VPS37A: variants seen among roughly 807,000 people sequenced by gnomAD.
VPS37A encodes the protein VPS37A subunit of ESCRT-I.
VPS37A carries 30 observed loss-of-function variants against 49.8 expected under a neutral mutation model. That is an observed-to-expected ratio of 0.60 (90% CI 0.45 to 0.82). The LOEUF (loss-of-function observed/expected upper bound fraction) is 0.82, where lower values mean the gene tolerates loss of function less well. Ranked by LOEUF, VPS37A falls within the 40% of genes least tolerant of loss-of-function variation. The pLI, the probability that VPS37A is intolerant of heterozygous loss-of-function variation, is 0.00. For synonymous variants in VPS37A, 195 were observed against 160.6 expected, an observed-to-expected ratio of 1.21 and a Z score of -1.62; for missense variants, 593 against 464.4, an observed-to-expected ratio of 1.28 and a Z score of -2.55.
chr8:17,317,543 C>T, the VPS37A span, among the ~76,000 whole-genome samples: 1 of 152,148 alleles, frequency 6.6e-6, no homozygotes, highest in Non-Finnish European at 1.5e-5. Context: ...AGAGTCCCTG[C>T]GGTCAACGTT....
chr8:17,272,846 T>A lies in VPS37A; in HGVS notation c.417-1887T>A, dbSNP rs545682632. Among the ~76,000 whole-genome samples, 12 of 92,310 alleles carry A rather than the reference T, an allele frequency of 1.3e-4. 1 individual carries two copies. In the South Asian group the frequency reaches 4.4e-3, roughly 34 times the overall value. The allele number at this position is 92,310 out of a possible 152,430, so 60.6% of individuals were successfully genotyped here. On this transcript the variant is annotated intron_variant, in intron 4 of 11. Coordinates refer to ENST00000324849, the MANE Select transcript of VPS37A (RefSeq NM_152415.3). ...AGTATAAAGGAGTATAGAGTGAAAA[T>A]CTCCGTGTCACTTTTTTCCCTTGCA...
rs528999970 is a variant in VPS37A, at chr8:17,268,179, G to C, written c.201-79G>C. On this transcript the variant is annotated intron_variant, in intron 2 of 11. Coordinates refer to ENST00000324849, the MANE Select transcript of VPS37A (RefSeq NM_152415.3). ...TGAAAATTTAATTTACTTTTAAATA[G>C]CTTTGTTTTAAGATTTTGACCATAT... The C allele has an allele frequency of 1.7e-4, 165 of 961,824 alleles. No individual in the cohort carries two copies. In the African/African-American group the frequency reaches 2.4e-3, roughly 14 times the overall value. 59.6% of individuals were successfully genotyped at this position (961,824 alleles called of 1,614,324 possible). A position where few individuals can be genotyped will look rare whatever the true frequency, so the allele number is the denominator to read the frequency against.
the VPS37A span, among the ~76,000 whole-genome samples, chr8:17,314,812 G>A: frequency 6.6e-6 from 1 of 152,138 alleles, no homozygotes; most frequent in Non-Finnish European, 1.5e-5. Flanking sequence ...ATATGCAGTC[G>A]GTGAAGGGAC....
At chr8:17,275,483 C>A (rs1341194914) in intron 5 of VPS37A, among the ~76,000 whole-genome samples, 1 of 152,150 alleles carries the variant, frequency 6.6e-6, no homozygotes, top group African/African-American at 2.4e-5. Context: ...TTTTGTGAAG[C>A]TGCCTATAGT....
chr8:17,275,293 C>G (rs1293943434), intron 5 of VPS37A, among the ~76,000 whole-genome samples: 2 of 152,068 alleles, frequency 1.3e-5, no homozygotes. Flanking sequence ...CTCAAATATA[C>G]TGATGAATAT....
chr8:17,313,418 G>C, the VPS37A span: 1 of 1,527,162 alleles, frequency 6.5e-7, no homozygotes, highest in South Asian at 1.2e-5. Flanking sequence ...GATAAATCAT[G>C]TTATAAAAGC....
Position 17,248,610 on chromosome 8 carries a change from T to TA in VPS37A, c.125+1247dup, listed in dbSNP as rs542569451. Among the ~76,000 whole-genome samples, 621 of 152,306 alleles carry TA rather than the reference T, an allele frequency of 4.1e-3. 2 individuals are homozygous for TA. Among genetic ancestry groups the TA allele is most frequent in the African/African-American group, 0.014 (581 of 41,570 alleles). ...TTTAAAAATATTATTTTCATACAGT[T>TA]AAAAAATATGTATCCTCAGATAATA... On this transcript the variant is annotated intron_variant, in intron 1 of 11. Coordinates refer to ENST00000324849, the MANE Select transcript of VPS37A (RefSeq NM_152415.3).
chr8:17,317,258 G>T, the VPS37A span, among the ~76,000 whole-genome samples: 1 of 152,170 alleles, frequency 6.6e-6, no homozygotes, highest in Non-Finnish European at 1.5e-5. Flanking sequence ...GCCGTGTGCC[G>T]TGTGCATGGG....
intron 3 of VPS37A, 138 bp downstream of exon 3, chr8:17,268,510 T>A: frequency 1.6e-6 from 1 of 641,710 alleles, no homozygotes; most frequent in Non-Finnish European, 2.6e-6. Flanking sequence ...TATTTAAGAC[T>A]ACGCCTTAAA....
chr8:17,276,426 G>C lies in VPS37A; in HGVS notation c.672G>C (p.Met224Ile), dbSNP rs1814517525. ...GCCAAAATGGTTTTGGGTACAAGAT[G>C]CCAGATGTCCCTGATGCATTTCCAG... ...PTSQNGFGYKMPDVPDAFPEL... is the reference protein window; with the variant it reads ...PTSQNGFGYKIPDVPDAFPEL... Residue 224 changes from methionine (M) to isoleucine (I), a missense_variant, in exon 6 of 12, where the codon ATG becomes ATC. Coordinates refer to ENST00000324849, the MANE Select transcript of VPS37A (RefSeq NM_152415.3). 3.7e-6 allele frequency: 6 copies of C among 1,612,468 alleles called. No homozygotes were observed. The highest frequency in any genetic ancestry group is 5.1e-6 in the Non-Finnish European group (6 of 1,179,290).
chr8:17,256,222 C>T (rs892294094), intron 1 of VPS37A, among the ~76,000 whole-genome samples: 1 of 150,564 alleles, frequency 6.6e-6, no homozygotes, highest in African/African-American at 2.4e-5. Flanking sequence ...TCCCCTGTCT[C>T]CAAATCCTTG....
At chr8:17,325,577 C>A in the VPS37A span, among the ~76,000 whole-genome samples, 2 of 152,190 alleles carry the variant, frequency 1.3e-5, no homozygotes, top group Non-Finnish European at 1.5e-5. Flanking sequence ...CGCCCACATG[C>A]CTGAGCTGAC....
chr8:17,309,312 C>A, the VPS37A span: 9 of 1,565,936 alleles, frequency 5.7e-6, no homozygotes, highest in South Asian at 1.1e-5. Flanking sequence ...AAATCCAGTC[C>A]TTTTCAATTA....
chr8:17,261,294 T>C (rs962413066), intron 1 of VPS37A, among the ~76,000 whole-genome samples: 1 of 152,226 alleles, frequency 6.6e-6, no homozygotes, highest in Non-Finnish European at 1.5e-5. Context: ...AACATATTTC[T>C]CAGTTCCAAC....
At chr8:17,259,621 C>A (rs541172913) in intron 1 of VPS37A, among the ~76,000 whole-genome samples, 1 of 152,020 alleles carries the variant, frequency 6.6e-6, no homozygotes, top group East Asian at 1.9e-4. Flanking sequence ...TTTGGTGTTT[C>A]TTTATTGATT....
At chr8:17,306,342 C>G (rs1313006082), downstream of VPS37A, among the ~76,000 whole-genome samples, 1 of 151,820 alleles carries the variant, frequency 6.6e-6, no homozygotes, top group Non-Finnish European at 1.5e-5. Context: ...TAAGGCTCTT[C>G]ATTTTTTGCG....
chr8:17,331,810 A>G, the VPS37A span, among the ~76,000 whole-genome samples: 1 of 152,222 alleles, frequency 6.6e-6, no homozygotes, highest in Non-Finnish European at 1.5e-5. Context: ...AGCAGGAATT[A>G]CTGAATAAAA....
intron 1 of VPS37A, among the ~76,000 whole-genome samples, chr8:17,262,990 G>T (rs1413226340): frequency 6.6e-6 from 1 of 151,182 alleles, no homozygotes; most frequent in East Asian, 1.9e-4. Context: ...GAACCCGGGA[G>T]GCAGAGGTTG....
the VPS37A span, chr8:17,309,157 T>C: frequency 1.5e-6 from 1 of 685,676 alleles, no homozygotes; most frequent in Non-Finnish European, 2.5e-6. Context: ...AAATTTAAGC[T>C]TTCTGAATAA....
Sources: gnomAD v4.1 joint callset for allele counts (sites outside exome capture counted in the v4.1 genomes callset) on GRCh38, gnomAD v4.1.1 for gene constraint, MANE v1.5 for transcripts, NCBI Gene and HGNC (gene_info 2026-07-23, HGNC 2026-07-21) for gene names.